Variants in KCTD20 observed in about 807,000 individuals in gnomAD.
The protein encoded by KCTD20 is BTB/POZ domain-containing protein KCTD20.
A neutral mutation model predicts 39.6 loss-of-function variants in KCTD20; 30 were observed. The ratio of observed to expected loss-of-function variants is 0.76; its 90% CI spans 0.57 to 1.03. The LOEUF (loss-of-function observed/expected upper bound fraction) is 1.03. Among genes scored for constraint, KCTD20 ranks in the 50% least tolerant of loss-of-function variants. The pLI, the probability that KCTD20 is intolerant of heterozygous loss-of-function variation, is 0.00. For synonymous variants in KCTD20, 162 were observed against 180.6 expected (o/e 0.90, Z 0.83); for missense variants, 422 against 522.0 (o/e 0.81, Z 1.87).
chr6:36,471,867 T>C (rs1310661000), intron 2 of KCTD20, among the ~76,000 whole-genome samples: 2 of 151,574 alleles, frequency 1.3e-5, no homozygotes, highest in East Asian at 1.9e-4. Context: ...TTTTTTTTTT[T>C]AGACGGAGCC....
At chr6:36,474,647 G>C (rs1227233281) in intron 2 of KCTD20, 142 bp from the exon 3 acceptor site, 2 of 647,334 alleles carry the variant, frequency 3.1e-6, no homozygotes, top group Non-Finnish European at 5.0e-6. Context: ...ACTTGCTGTA[G>C]GCAAGAGGTT....
intron 1 of KCTD20, among the ~76,000 whole-genome samples, chr6:36,448,013 G>GTA (rs10645937): frequency 0.46 from 58,780 of 128,656 alleles, 14,461 homozygotes; most frequent in South Asian, 0.57. Context: ...GTATGTGTGT[G>GTA]TGTATATATA....
chr6:36,487,308 T>A lies in KCTD20; in HGVS notation c.*133T>A. ...CTAACCTTTTCCTTTCTGCCATAAT[T>A]AACATATGTCCTTTTCAGTAAGTCC... is the stretch of plus-strand genomic sequence containing the variant. On this transcript the variant is annotated 3_prime_UTR_variant, in exon 8 of 8. Coordinates refer to ENST00000373731, the MANE Select transcript of KCTD20 (RefSeq NM_173562.5). 1 of 886,744 alleles carries A rather than the reference T, an allele frequency of 1.1e-6. No individual in the cohort carries two copies. Among genetic ancestry groups the A allele is most frequent in the Non-Finnish European group, 1.7e-6 (1 of 571,890 alleles). The allele number at this position is 886,744 out of a possible 1,614,324, so 54.9% of individuals were successfully genotyped here. A position where few individuals can be genotyped will look rare whatever the true frequency, so the allele number is the denominator to read the frequency against.
Position 36,487,022 on chromosome 6 carries a change from T to C in KCTD20, c.1107T>C (p.Cys369=). ...AGAGTCGCCATGTGGATTTCCAGTG[T>C]GTTCGAAGCAAATCCCTCACGAATC... The part of the protein sequence containing the change: ...EGKSRHVDFQ[C]VRSKSLTNLV... The change falls in exon 8 of 8, where the codon TGT becomes TGC. Residue 369 remains cysteine (C), a synonymous_variant. Coordinates refer to ENST00000373731, the MANE Select transcript of KCTD20 (RefSeq NM_173562.5). 3 of 1,614,216 alleles carry C rather than the reference T, an allele frequency of 1.9e-6. No individual in the cohort carries two copies. Among genetic ancestry groups the C allele is most frequent in the Non-Finnish European group, 2.5e-6 (3 of 1,180,042 alleles).
intron 1 of KCTD20, among the ~76,000 whole-genome samples, chr6:36,457,286 T>G (rs1426095895): frequency 6.6e-6 from 1 of 152,222 alleles, no homozygotes; most frequent in African/African-American, 2.4e-5. Flanking sequence ...ACTTATCTGA[T>G]GCTTTTCAGA....
At chr6:36,484,957 T>A in intron 7 of KCTD20, 133 bp downstream of exon 7, 1 of 604,660 alleles carries the variant, frequency 1.7e-6, no homozygotes, top group Non-Finnish European at 3.0e-6. Context: ...CAAGTTTGAA[T>A]GTTCCTGTTT....
At chr6:36,474,530 C>T (rs1044723543) in intron 2 of KCTD20, among the ~76,000 whole-genome samples, 6 of 152,088 alleles carry the variant, frequency 3.9e-5, no homozygotes, top group Middle Eastern at 3.4e-3. Context: ...ATTTAAATAA[C>T]GTTCAAGTGT....
chr6:36,468,878 C>A (rs1775834783), intron 1 of KCTD20, among the ~76,000 whole-genome samples: 1 of 152,170 alleles, frequency 6.6e-6, no homozygotes, highest in Non-Finnish European at 1.5e-5. Context: ...ATTCCTCTAT[C>A]CATCCTATCA....
Position 36,488,706 on chromosome 6 carries a change from C to T in KCTD20, c.*1531C>T, listed in dbSNP as rs905836555. ...ATTTCGGATTTTTGGATTTGGGATG[C>T]TCATCCTGTGTAGGAGAGGCTACTC... On this transcript the variant is annotated 3_prime_UTR_variant, in exon 8 of 8. Coordinates refer to ENST00000373731, the MANE Select transcript of KCTD20 (RefSeq NM_173562.5). 2 of 152,202 alleles carry T rather than the reference C, an allele frequency of 1.3e-5. No homozygotes were observed. Among genetic ancestry groups the T allele is most frequent in the Non-Finnish European group, 2.9e-5 (2 of 68,036 alleles). 9.4% of individuals were successfully genotyped at this position (152,202 alleles called of 1,614,324 possible).
chr6:36,460,594 C>T (rs1159765776), intron 1 of KCTD20, among the ~76,000 whole-genome samples: 3 of 152,104 alleles, frequency 2.0e-5, no homozygotes, highest in Admixed American at 6.6e-5. Flanking sequence ...CGTGAGCCAC[C>T]GCACCCAGCC....
chr6:36,464,073 A>C (rs1020864153), intron 1 of KCTD20, among the ~76,000 whole-genome samples: 1 of 152,234 alleles, frequency 6.6e-6, no homozygotes, highest in East Asian at 1.9e-4. Flanking sequence ...AAAAATACAC[A>C]GTAACTTTTG....
chr6:36,479,631 TCTCTATC>T lies in KCTD20; in HGVS notation c.580_586del (p.Ser194GlnfsTer24), dbSNP rs1189278603. 1 of 1,609,878 alleles carries T rather than the reference TCTCTATC, an allele frequency of 6.2e-7. No individual in the cohort carries two copies. Among genetic ancestry groups the T allele is most frequent in the Non-Finnish European group, 8.5e-7 (1 of 1,178,230 alleles). ...GGTATCATCAATTGTCCTGATGGCATCTCTATCCCAGATCTTAGAGATACTTGTGATT... is the reference window on the plus strand; with the variant it reads ...GGTATCATCAATTGTCCTGATGGCATCCAGATCTTAGAGATACTTGTGATT... On this transcript the variant is annotated frameshift_variant, in exon 5 of 8. Coordinates refer to ENST00000373731, the MANE Select transcript of KCTD20 (RefSeq NM_173562.5). LOFTEE classifies it high-confidence loss of function.
chr6:36,450,557 C>T (rs180692761), intron 1 of KCTD20, among the ~76,000 whole-genome samples: 12 of 152,082 alleles, frequency 7.9e-5, no homozygotes, highest in East Asian at 5.8e-4. Context: ...CTATGTCCTA[C>T]GCCATGAGGC....
At chr6:36,460,428 C>T (rs1362840092) in intron 1 of KCTD20, among the ~76,000 whole-genome samples, 1 of 152,120 alleles carries the variant, frequency 6.6e-6, no homozygotes, top group African/African-American at 2.4e-5. Flanking sequence ...CTCGGCCTCC[C>T]GAGTAGTTAG....
At chr6:36,473,495 A>G (rs1013229640) in intron 2 of KCTD20, among the ~76,000 whole-genome samples, 2 of 152,090 alleles carry the variant, frequency 1.3e-5, no homozygotes, top group African/African-American at 2.4e-5. Flanking sequence ...TTAACTGGCC[A>G]GGCGTGGTGG....
At chr6:36,485,488 C>CT (rs34990483) in intron 7 of KCTD20, among the ~76,000 whole-genome samples, 10,369 of 96,762 alleles carry the variant, frequency 0.11, 856 homozygotes, top group Admixed American at 0.16. Flanking sequence ...TGGAGTGGAT[C>CT]TTTTTTTTTT....
chr6:36,476,612 T>G (rs1445984980), intron 3 of KCTD20, among the ~76,000 whole-genome samples: 1 of 151,890 alleles, frequency 6.6e-6, no homozygotes, highest in Non-Finnish European at 1.5e-5. Context: ...GTATTTTTAG[T>G]AGAGATGGGG....
rs1776442890 is a variant in KCTD20 at position 36,486,971 on chromosome 6, G to C, written c.1056G>C (p.Gln352His). ...IYNYVQRPFI[Q>H]MSWEKEEGKS... is the part of the protein sequence containing the mutation. ...ATTATGTACAACGCCCCTTCATCCA[G>C]ATGTCATGGGAAAAGGAAGAAGGGA... Residue 352 changes from glutamine to histidine, a missense_variant, in exon 8 of 8, where the codon CAG (glutamine) becomes CAC (histidine). Transcript: ENST00000373731. 1 of 1,614,080 alleles carries C rather than the reference G, an allele frequency of 6.2e-7. No individual in the cohort carries two copies. Among genetic ancestry groups the C allele is most frequent in the Non-Finnish European group, 8.5e-7 (1 of 1,179,914 alleles).
intron 5 of KCTD20, among the ~76,000 whole-genome samples, chr6:36,480,643 C>T (rs1776216421): frequency 6.6e-6 from 1 of 151,954 alleles, no homozygotes; most frequent in South Asian, 2.1e-4. Flanking sequence ...CTCACTGCAG[C>T]CTCCGCCTCC....
Sources: allele counts gnomAD v4.1 joint callset (sites outside exome capture counted in the v4.1 genomes callset), GRCh38; gene constraint gnomAD v4.1.1; transcripts MANE v1.5; gene names NCBI Gene and HGNC (gene_info 2026-07-23, HGNC 2026-07-21).